NPAS3: variants seen among roughly 807,000 people sequenced by gnomAD.
NPAS3 encodes the protein neuronal PAS domain protein 3, also known as neuronal PAS domain-containing protein 3.
In NPAS3, 14 loss-of-function variants were observed where a neutral mutation model predicts 73.1. That is an observed-to-expected ratio of 0.19 (90% CI 0.13 to 0.30). The LOEUF (loss-of-function observed/expected upper bound fraction) is 0.30, where lower values mean the gene tolerates loss of function less well. Among genes scored for constraint, NPAS3 ranks in the 10% least tolerant of loss-of-function variants. The pLI is 1.00. For synonymous variants in NPAS3, 620 were observed against 541.5 expected, an observed-to-expected ratio of 1.14 and a Z score of -2.01; for missense variants, 1,096 against 1,250.0, an observed-to-expected ratio of 0.88 and a Z score of 1.86.
intron 2 of NPAS3, among the ~76,000 whole-genome samples, chr14:33,146,883 T>C (rs2044254428): frequency 6.6e-6 from 1 of 152,228 alleles, no homozygotes; most frequent in African/African-American, 2.4e-5. Flanking sequence ...GCTGAAGTTG[T>C]TTCCTTCCCT....
intron 4 of NPAS3, among the ~76,000 whole-genome samples, chr14:33,489,612 G>C (rs1054553949): frequency 1.3e-5 from 2 of 152,162 alleles, no homozygotes; most frequent in Non-Finnish European, 2.9e-5. Context: ...AATTAAAGTG[G>C]TTGTGCTTTA....
chr14:33,341,097 A>G (rs1376586726), intron 3 of NPAS3, among the ~76,000 whole-genome samples: 1 of 152,228 alleles, frequency 6.6e-6, no homozygotes, highest in Non-Finnish European at 1.5e-5. Context: ...TGGCCTGTAA[A>G]TTGCATGCAT....
chr14:33,301,412 CA>C (rs2140152246), intron 3 of NPAS3, among the ~76,000 whole-genome samples: 2 of 149,080 alleles, frequency 1.3e-5, no homozygotes, highest in African/African-American at 5.0e-5. Context: ...AGCTCCTGCT[CA>C]AAAGAAGAAA....
intron 1 of NPAS3, among the ~76,000 whole-genome samples, chr14:32,945,167 C>T (rs537867356): frequency 1.3e-5 from 2 of 152,086 alleles, no homozygotes; most frequent in South Asian, 4.2e-4. Context: ...TTTCTTTTTT[C>T]ACTTCTGTTA....
chr14:33,663,976 C>CAA (rs1277086762), intron 5 of NPAS3, among the ~76,000 whole-genome samples: 4,314 of 142,156 alleles, frequency 0.03, 189 homozygotes, highest in African/African-American at 0.1. Context: ...TTAATCTTTT[C>CAA]AAAAAAAAAA....
chr14:33,012,815 G>T (rs2039258468), intron 1 of NPAS3, among the ~76,000 whole-genome samples: 1 of 152,162 alleles, frequency 6.6e-6, no homozygotes, highest in African/African-American at 2.4e-5. Context: ...CTCCCAAAGT[G>T]CTAGGATTAC....
In NPAS3 at chr14:33,320,048, G is replaced by A. The variant is rs141776159; in HGVS notation, c.386-47138G>A. ...TCCTTCCCAGTGTTCCTGGTCAATC[G>A]GGAAGGAGTTTGTAGAGGAATTGGG... On this transcript the variant is annotated intron_variant, in intron 3 of 11. Coordinates refer to ENST00000356141, the Ensembl canonical transcript of NPAS3. Among the ~76,000 whole-genome samples, 59 of 152,208 alleles carry A rather than the reference G, an allele frequency of 3.9e-4. 2 individuals carry two copies. The highest frequency in any genetic ancestry group is 3.4e-3 in the Middle Eastern group (1 of 292).
intron 4 of NPAS3, among the ~76,000 whole-genome samples, chr14:33,512,439 G>A (rs1346200533): frequency 3.3e-5 from 5 of 151,958 alleles, no homozygotes; most frequent in Admixed American, 3.3e-4. Context: ...CATTAGTCAC[G>A]TATTTTACTT....
intron 3 of NPAS3, among the ~76,000 whole-genome samples, chr14:33,235,766 T>A (rs1206220405): frequency 1.3e-5 from 2 of 150,992 alleles, no homozygotes; most frequent in African/African-American, 4.9e-5. Context: ...TGCAAGTACA[T>A]CTTGCGTACA....
chr14:33,770,191 T>G (rs192442357), intron 7 of NPAS3, among the ~76,000 whole-genome samples: 1 of 152,232 alleles, frequency 6.6e-6, no homozygotes, highest in Non-Finnish European at 1.5e-5. Flanking sequence ...TATTCCAATG[T>G]GTAGCCATGG....
At chr14:33,501,338 A>G (rs902196220) in intron 4 of NPAS3, among the ~76,000 whole-genome samples, 4 of 151,958 alleles carry the variant, frequency 2.6e-5, no homozygotes, top group Non-Finnish European at 5.9e-5. Context: ...TGCATAATCT[A>G]TAAATAGTTT....
chr14:33,278,281 C>G (rs2041428939), intron 3 of NPAS3, among the ~76,000 whole-genome samples: 1 of 152,030 alleles, frequency 6.6e-6, no homozygotes, highest in South Asian at 2.1e-4. Flanking sequence ...GAGGTTGGGG[C>G]TGTGGAAGTA....
chr14:33,543,971 A>C (rs1213988630), intron 4 of NPAS3, among the ~76,000 whole-genome samples: 22 of 32,638 alleles, frequency 6.7e-4, no homozygotes, highest in African/African-American at 4.8e-3. Flanking sequence ...ATATATATAT[A>C]TATATATATA....
intron 4 of NPAS3, among the ~76,000 whole-genome samples, chr14:33,393,682 T>C (rs962126565): frequency 4.6e-5 from 7 of 152,138 alleles, no homozygotes; most frequent in Non-Finnish European, 8.8e-5. Flanking sequence ...GGCCCCTTGC[T>C]TGTGTGGTAA....
chr14:33,272,037 T>A (rs2041114771), intron 3 of NPAS3, among the ~76,000 whole-genome samples: 1 of 152,190 alleles, frequency 6.6e-6, no homozygotes, highest in South Asian at 2.1e-4. Context: ...CTGATGAAGA[T>A]CAAGGTGATG....
intron 3 of NPAS3, among the ~76,000 whole-genome samples, chr14:33,288,317 A>C (rs2041960671): frequency 6.6e-6 from 1 of 152,128 alleles, no homozygotes; most frequent in Admixed American, 6.6e-5. Context: ...ATATGTGTTA[A>C]GGCCAGACTT....
intron 2 of NPAS3, among the ~76,000 whole-genome samples, chr14:33,057,268 C>T (rs8015656): frequency 1.3e-5 from 2 of 151,666 alleles, no homozygotes; most frequent in South Asian, 2.1e-4. Context: ...TAGTTTTATC[C>T]GAACTGGTAT....
At chr14:33,469,311 A>AG (rs1220937729) in intron 4 of NPAS3, among the ~76,000 whole-genome samples, 1 of 151,928 alleles carries the variant, frequency 6.6e-6, no homozygotes, top group African/African-American at 2.4e-5. Context: ...AAAAAAAAAA[A>AG]AAGAGTGTGT....
At chr14:33,509,440 A>G (rs2052932286) in intron 4 of NPAS3, among the ~76,000 whole-genome samples, 1 of 152,074 alleles carries the variant, frequency 6.6e-6, no homozygotes. Flanking sequence ...GCTACTTGAA[A>G]GCAGACAGAT....
Sources: gnomAD v4.1 joint callset for allele counts (sites outside exome capture counted in the v4.1 genomes callset) on GRCh38, gnomAD v4.1.1 for gene constraint, MANE v1.5 for transcripts, NCBI Gene and HGNC (gene_info 2026-07-23, HGNC 2026-07-21) for gene names.